CPED1: variants seen among roughly 807,000 people sequenced by gnomAD.
CPED1 encodes the protein cadherin-like and PC-esterase domain-containing protein 1.
A neutral mutation model predicts 128.2 loss-of-function variants in CPED1; 114 were observed. The observed-to-expected ratio is 0.89, with a 90% CI of 0.76 to 1.04. The LOEUF (loss-of-function observed/expected upper bound fraction) is 1.04. Among genes scored for constraint, CPED1 ranks in the 50% least tolerant of loss-of-function variants. CPED1 has a pLI of 0.00. For missense variants in CPED1, 1,211 were observed against 1,207.1 expected, an observed-to-expected ratio of 1.00 and a Z score of -0.05; for synonymous variants, 462 against 426.7, an observed-to-expected ratio of 1.08 and a Z score of -1.02.
chr7:121,096,865 A>G (rs1436234186), intron 5 of CPED1, among the ~76,000 whole-genome samples: 1 of 152,162 alleles, frequency 6.6e-6, no homozygotes, highest in Non-Finnish European at 1.5e-5. Flanking sequence ...GGATAATTAA[A>G]AAAACAAACA....
intron 22 of CPED1, among the ~76,000 whole-genome samples, chr7:121,274,385 T>C (rs1584647721): frequency 1.3e-5 from 2 of 152,166 alleles, no homozygotes; most frequent in South Asian, 2.1e-4. Context: ...CTTATTTGAC[T>C]TTATAGTTTT....
At chr7:121,258,938 A>C (rs1791949529) in intron 18 of CPED1, among the ~76,000 whole-genome samples, 1 of 152,112 alleles carries the variant, frequency 6.6e-6, no homozygotes, top group South Asian at 2.1e-4. Context: ...AACATATTAA[A>C]GTGAATTGTC....
At chr7:121,253,747 A>T (rs1406529528) in intron 18 of CPED1, among the ~76,000 whole-genome samples, 1 of 152,102 alleles carries the variant, frequency 6.6e-6, no homozygotes, top group African/African-American at 2.4e-5. Context: ...TACCATACAA[A>T]CAAAAAAGAG....
At chr7:121,247,329 A>C (rs888411308) in intron 18 of CPED1, among the ~76,000 whole-genome samples, 10 of 152,170 alleles carry the variant, frequency 6.6e-5, no homozygotes, top group Non-Finnish European at 8.8e-5. Flanking sequence ...GGCAGGGTGC[A>C]AAATAAAAAT....
At chr7:121,164,679 A>C (rs1156932606) in intron 16 of CPED1, among the ~76,000 whole-genome samples, 1 of 152,152 alleles carries the variant, frequency 6.6e-6, no homozygotes, top group African/African-American at 2.4e-5. Context: ...TTTCATATAA[A>C]AAGCACCTGC....
intron 3 of CPED1, among the ~76,000 whole-genome samples, chr7:121,018,040 G>A (rs1792344812): frequency 6.6e-6 from 1 of 152,082 alleles, no homozygotes; most frequent in African/African-American, 2.4e-5. Flanking sequence ...AGAAAGGGTA[G>A]CAATTTCACA....
intron 21 of CPED1, 88 bp from the exon 22 acceptor site, chr7:121,271,196 A>C: frequency 9.4e-7 from 1 of 1,059,178 alleles, no homozygotes; most frequent in Non-Finnish European, 1.4e-6. Flanking sequence ...CCAGTAAAAA[A>C]GACATTTACA....
At chr7:120,994,063 T>C (rs975159043) in intron 2 of CPED1, 3 of 173,768 alleles carry the variant, frequency 1.7e-5, no homozygotes, top group African/African-American at 7.2e-5. Context: ...CTGTCCTTAG[T>C]TTGATGACCA....
intron 7 of CPED1, among the ~76,000 whole-genome samples, chr7:121,112,093 G>A (rs576128118): frequency 2.0e-5 from 3 of 152,176 alleles, no homozygotes; most frequent in East Asian, 1.9e-4. Context: ...CTGATGTTCC[G>A]CTACACAGTG....
At chr7:121,251,369 G>A (rs1362291652) in intron 18 of CPED1, among the ~76,000 whole-genome samples, 8 of 152,110 alleles carry the variant, frequency 5.3e-5, no homozygotes, top group Non-Finnish European at 1.0e-4. Flanking sequence ...ATACTGAATG[G>A]ACAAAAACTG....
intron 3 of CPED1, among the ~76,000 whole-genome samples, chr7:121,030,740 A>T (rs1299643670): frequency 6.6e-6 from 1 of 152,208 alleles, no homozygotes; most frequent in Non-Finnish European, 1.5e-5. Context: ...TATCAAAGAT[A>T]TGTATATATA....
At chr7:121,210,411 G>A (rs1275381590) in intron 16 of CPED1, among the ~76,000 whole-genome samples, 1 of 151,974 alleles carries the variant, frequency 6.6e-6, no homozygotes, top group Non-Finnish European at 1.5e-5. Flanking sequence ...ATCAACCTAA[G>A]TGTTCATCAA....
intron 18 of CPED1, among the ~76,000 whole-genome samples, chr7:121,251,672 A>G (rs1017720401): frequency 2.6e-5 from 4 of 152,208 alleles, no homozygotes; most frequent in African/African-American, 9.7e-5. Flanking sequence ...TACACCAATA[A>G]CAGACAAACA....
At chr7:121,113,929 A>G (rs1795173542) in intron 7 of CPED1, among the ~76,000 whole-genome samples, 1 of 152,082 alleles carries the variant, frequency 6.6e-6, no homozygotes, top group South Asian at 2.1e-4. Context: ...CCTATGTTCA[A>G]GTGATTCTCT....
intron 13 of CPED1, among the ~76,000 whole-genome samples, chr7:121,135,123 G>A (rs1175732896): frequency 6.6e-6 from 1 of 151,704 alleles, no homozygotes; most frequent in Non-Finnish European, 1.5e-5. Flanking sequence ...TCACCGTGAA[G>A]CTCAGGAAAA....
chr7:121,185,722 C>T (rs1197063195), intron 16 of CPED1, among the ~76,000 whole-genome samples: 1 of 152,204 alleles, frequency 6.6e-6, no homozygotes, highest in Non-Finnish European at 1.5e-5. Context: ...CGTAGGCAAA[C>T]TTTGCATCTA....
At chr7:121,001,966 G>A (rs1791872817) in intron 2 of CPED1, among the ~76,000 whole-genome samples, 1 of 150,604 alleles carries the variant, frequency 6.6e-6, no homozygotes, top group African/African-American at 2.5e-5. Context: ...CATTGCATTT[G>A]GTGCCTCTTG....
chr7:121,064,849 A>G (rs893427043), intron 5 of CPED1, among the ~76,000 whole-genome samples: 2 of 152,220 alleles, frequency 1.3e-5, no homozygotes, highest in Non-Finnish European at 2.9e-5. Context: ...TGGAAAAAGC[A>G]TCAGAAGGTA....
At chr7:121,140,457 G>C (rs886764118) in intron 14 of CPED1, among the ~76,000 whole-genome samples, 1 of 151,972 alleles carries the variant, frequency 6.6e-6, no homozygotes, top group Non-Finnish European at 1.5e-5. Flanking sequence ...ATCCCACAGA[G>C]CCATCACTCC....
Sources: gnomAD v4.1 joint callset for allele counts (sites outside exome capture counted in the v4.1 genomes callset) on GRCh38, gnomAD v4.1.1 for gene constraint, MANE v1.5 for transcripts, NCBI Gene and HGNC (gene_info 2026-07-23, HGNC 2026-07-21) for gene names.